GPD2: variants seen among roughly 807,000 people sequenced by gnomAD.
GPD2 encodes the protein glycerol-3-phosphate dehydrogenase, mitochondrial.
Under a neutral mutation model 82.4 loss-of-function variants are expected in GPD2, and 54 were observed. That is an observed-to-expected ratio of 0.66 (90% CI 0.53 to 0.82). The LOEUF (loss-of-function observed/expected upper bound fraction) is 0.82. Ranked by LOEUF, GPD2 falls within the 40% of genes least tolerant of loss-of-function variation. GPD2 has a pLI of 0.00. For missense variants in GPD2, 748 were observed against 896.2 expected (o/e 0.83, Z 2.11); for synonymous variants, 288 against 306.1 (o/e 0.94, Z 0.62).
At chr2:156,570,731 A>C (rs1687583204) in intron 12 of GPD2, among the ~76,000 whole-genome samples, 1 of 152,210 alleles carries the variant, frequency 6.6e-6, no homozygotes, top group Non-Finnish European at 1.5e-5. Flanking sequence ...TAAGACAAAA[A>C]ACTATACAGA....
At position 156,512,291 on chromosome 2, in the gene GPD2, A is replaced by G; in HGVS notation, c.471A>G (p.Pro157=). 5 of 1,586,988 alleles carry G rather than the reference A, an allele frequency of 3.2e-6. No homozygotes were observed. The highest frequency in any genetic ancestry group is 4.3e-6 in the Non-Finnish European group (5 of 1,155,248). Reference sequence around the variant, plus strand: ...AAATTGCTCCCCATTTATCAGCTCCATTGCCTATAATGCTTCCAGTTTACA... The same window carrying G: ...AAATTGCTCCCCATTTATCAGCTCCGTTGCCTATAATGCTTCCAGTTTACA... ...LLEIAPHLSA[P]LPIMLPVYKW... The change falls in exon 5 of 17, where the codon CCA becomes CCG. Residue 157 remains proline, a synonymous_variant. Transcript: ENST00000438166.
At chr2:156,577,071 C>G (rs962416823) in intron 13 of GPD2, among the ~76,000 whole-genome samples, 1 of 152,110 alleles carries the variant, frequency 6.6e-6, no homozygotes. Context: ...CTTTTTTAAG[C>G]TCAAAGAATT....
At chr2:156,502,639 T>G (rs886431428) in intron 3 of GPD2, among the ~76,000 whole-genome samples, 8 of 152,282 alleles carry the variant, frequency 5.3e-5, no homozygotes, top group African/African-American at 1.7e-4. Context: ...ATTGCCAGGC[T>G]GGTCTAGAAC....
At chr2:156,495,698 A>G (rs908077186) in intron 2 of GPD2, 18 of 407,550 alleles carry the variant, frequency 4.4e-5, no homozygotes, top group Non-Finnish European at 9.0e-5. Context: ...CTGGGTAAAA[A>G]AATCTCCTTA....
At chr2:156,444,924 A>C (rs1023439808) in intron 1 of GPD2, among the ~76,000 whole-genome samples, 4 of 152,116 alleles carry the variant, frequency 2.6e-5, no homozygotes, top group African/African-American at 9.7e-5. Flanking sequence ...TAATTTAAAA[A>C]AAATTCTTAG....
chr2:156,566,914 G>T (rs1298516371), intron 9 of GPD2, among the ~76,000 whole-genome samples: 1 of 151,944 alleles, frequency 6.6e-6, no homozygotes, highest in Non-Finnish European at 1.5e-5. Flanking sequence ...CATTTTAATG[G>T]GTGTGAAGTG....
intron 3 of GPD2, among the ~76,000 whole-genome samples, chr2:156,498,603 G>A (rs962990954): frequency 6.6e-6 from 1 of 152,188 alleles, no homozygotes; most frequent in African/African-American, 2.4e-5. Flanking sequence ...GCAGGGCTGG[G>A]TCTGGTATGC....
At position 156,450,897 on chromosome 2, in the gene GPD2, T is replaced by C. The variant is rs539673273; in HGVS notation, c.-9+14384T>C. 4.3e-3 allele frequency among the ~76,000 whole-genome samples: 557 copies of C among 130,820 alleles called. 4 individuals are homozygous for C. Among genetic ancestry groups the C allele is most frequent in the Non-Finnish European group, 5.9e-3 (364 of 61,658 alleles). 85.8% of individuals were successfully genotyped at this position (130,820 alleles called of 152,430 possible). On this transcript the variant is annotated intron_variant, in intron 1 of 16. Transcript: ENST00000438166. ...AGCATGCTGCCTTCAAGCATCTGTT[T>C]AACAAAGCACATCTTGCACCGCCCT...
rs1688137266 is a variant in GPD2, at chr2:156,584,278, G to A, written c.*1360G>A. 1 of 151,772 alleles carries A rather than the reference G, an allele frequency of 6.6e-6. No homozygotes were observed. Among genetic ancestry groups the A allele is most frequent in the African/African-American group, 2.4e-5 (1 of 41,332 alleles). 9.4% of individuals were successfully genotyped at this position (151,772 alleles called of 1,614,324 possible). On this transcript the variant is annotated 3_prime_UTR_variant, in exon 17 of 17. Transcript: ENST00000438166. ...TGTAAAGTTAACTACTTACTTTTTT[G>A]TTGTTGTTTTTTTAACATCAGGTTC...
chr2:156,507,770 T>C (rs1409354157), intron 3 of GPD2, among the ~76,000 whole-genome samples: 1 of 152,332 alleles, frequency 6.6e-6, no homozygotes, highest in East Asian at 1.9e-4. Flanking sequence ...TCCAAATACC[T>C]GAATGTGTAA....
At chr2:156,557,239 T>C (rs56243710) in intron 8 of GPD2, 150 bp from the exon 9 acceptor site, 97,713 of 646,618 alleles carry the variant, frequency 0.15, 8,421 homozygotes, top group Non-Finnish European at 0.19. Flanking sequence ...TTTTAGGAGT[T>C]TCTAGATTAG....
At chr2:156,464,579 C>T (rs918348339) in intron 1 of GPD2, among the ~76,000 whole-genome samples, 7 of 152,138 alleles carry the variant, frequency 4.6e-5, no homozygotes, top group Non-Finnish European at 8.8e-5. Context: ...TTCTTGATCT[C>T]TTATAACTCT....
At chr2:156,543,450 T>C (rs1005489336) in intron 6 of GPD2, among the ~76,000 whole-genome samples, 1 of 152,236 alleles carries the variant, frequency 6.6e-6, no homozygotes, top group Non-Finnish European at 1.5e-5. Context: ...TAACTGTGTC[T>C]CTTTGGCTGT....
intron 2 of GPD2, among the ~76,000 whole-genome samples, chr2:156,486,325 C>CA (rs1683936481): frequency 6.6e-6 from 1 of 152,178 alleles, no homozygotes; most frequent in Admixed American, 6.5e-5. Flanking sequence ...TGCTGGCATA[C>CA]AAAATCAGTG....
intron 16 of GPD2, among the ~76,000 whole-genome samples, chr2:156,582,552 A>G (rs984122484): frequency 2.0e-5 from 3 of 150,408 alleles, no homozygotes; most frequent in African/African-American, 7.3e-5. Flanking sequence ...ATTTGCTTTT[A>G]GAGGCAGGGT....
intron 6 of GPD2, among the ~76,000 whole-genome samples, chr2:156,520,312 G>A (rs1014341926): frequency 5.3e-5 from 8 of 150,802 alleles, no homozygotes; most frequent in Non-Finnish European, 1.2e-4. Flanking sequence ...GGCCATTGCC[G>A]GGGAACTACC....
At chr2:156,515,523 T>A (rs963887814) in intron 6 of GPD2, among the ~76,000 whole-genome samples, 3 of 152,218 alleles carry the variant, frequency 2.0e-5, no homozygotes, top group Non-Finnish European at 4.4e-5. Flanking sequence ...TGATTCTACA[T>A]GGAGAAGCCA....
intron 6 of GPD2, among the ~76,000 whole-genome samples, chr2:156,540,742 A>C (rs1473125873): frequency 1.3e-5 from 2 of 152,234 alleles, no homozygotes; most frequent in Non-Finnish European, 2.9e-5. Context: ...ATTAAAAACC[A>C]TTCCCCATCT....
intron 6 of GPD2, among the ~76,000 whole-genome samples, chr2:156,530,338 A>G (rs1246430586): frequency 1.4e-4 from 18 of 127,022 alleles, no homozygotes; most frequent in East Asian, 4.9e-4. Flanking sequence ...GGGCTGAGAC[A>G]ATGGGGTTTT....
Sources: allele counts gnomAD v4.1 joint callset (sites outside exome capture counted in the v4.1 genomes callset), GRCh38; gene constraint gnomAD v4.1.1; transcripts MANE v1.5; gene names NCBI Gene and HGNC (gene_info 2026-07-23, HGNC 2026-07-21).